ADAMTSL1: variants seen among roughly 807,000 people sequenced by gnomAD.
The protein encoded by ADAMTSL1 is ADAMTS-like protein 1.
Under a neutral mutation model 201.8 loss-of-function variants are expected in ADAMTSL1, and 126 were observed. The ratio of observed to expected loss-of-function variants is 0.62; its 90% CI spans 0.54 to 0.72. The LOEUF is 0.72. Ranked by LOEUF, ADAMTSL1 falls within the 30% of genes least tolerant of loss-of-function variation. The pLI is 0.00. For synonymous variants in ADAMTSL1, 1,121 were observed against 903.4 expected, an observed-to-expected ratio of 1.24 and a Z score of -4.32; for missense variants, 2,679 against 2,277.8, an observed-to-expected ratio of 1.18 and a Z score of -3.59.
intron 2 of ADAMTSL1, among the ~76,000 whole-genome samples, chr9:18,300,461 G>C (rs1833662396): frequency 6.6e-6 from 1 of 151,780 alleles, no homozygotes; most frequent in Non-Finnish European, 1.5e-5. Context: ...GGGCCTGTCA[G>C]GGGGAGGGGG....
rs777678547 is a variant in ADAMTSL1, at chr9:18,829,833, C to T, written c.4115-10C>T. 25 of 1,613,812 alleles carry T rather than the reference C, an allele frequency of 1.5e-5. No homozygotes were observed. Among genetic ancestry groups the T allele is most frequent in the Non-Finnish European group, 1.2e-5 (14 of 1,179,826 alleles). On this transcript the variant is annotated splice_polypyrimidine_tract_variant and intron_variant, in intron 22 of 28. Transcript: ENST00000380548. ...TTAACCTGCCTGATCCACCCTCTGC[C>T]TTCTCACAGATCCCCCCCAAGTCCC...
At chr9:18,494,698 C>G (rs1426541609) in intron 1 of ADAMTSL1, among the ~76,000 whole-genome samples, 1 of 152,106 alleles carries the variant, frequency 6.6e-6, no homozygotes, top group Non-Finnish European at 1.5e-5. Flanking sequence ...TAGACTTTAC[C>G]CTATATCCAA....
intron 2 of ADAMTSL1, among the ~76,000 whole-genome samples, chr9:18,420,307 G>C (rs1243752024): frequency 6.6e-6 from 1 of 152,180 alleles, no homozygotes; most frequent in African/African-American, 2.4e-5. Flanking sequence ...ATAAGGGCTT[G>C]AACTAGAATG....
At chr9:18,101,812 G>T (rs963870641) in intron 1 of ADAMTSL1, among the ~76,000 whole-genome samples, 3 of 152,146 alleles carry the variant, frequency 2.0e-5, no homozygotes, top group Non-Finnish European at 4.4e-5. Context: ...GCTGGCCCTC[G>T]GCTCTAGTGT....
chr9:17,971,161 A>G (rs1194875906), intron 1 of ADAMTSL1, among the ~76,000 whole-genome samples: 4 of 152,072 alleles, frequency 2.6e-5, no homozygotes, highest in Non-Finnish European at 5.9e-5. Flanking sequence ...AATAAAATAT[A>G]CTATTATAAC....
intron 10 of ADAMTSL1, among the ~76,000 whole-genome samples, chr9:18,680,056 CTT>C (rs1196560264): frequency 1.3e-5 from 2 of 152,314 alleles, no homozygotes; most frequent in African/African-American, 2.4e-5. Context: ...GCACACATAT[CTT>C]TGTGGACAGC....
At chr9:18,119,606 G>T (rs986808862) in intron 1 of ADAMTSL1, among the ~76,000 whole-genome samples, 1 of 152,100 alleles carries the variant, frequency 6.6e-6, no homozygotes, top group Non-Finnish European at 1.5e-5. Flanking sequence ...ATATGAGGTT[G>T]CTTTCCTTCT....
In ADAMTSL1 at chr9:18,895,834, A is replaced by C. The variant is rs146164690; in HGVS notation, c.4851+3238A>C. Among the ~76,000 whole-genome samples, 310 of 152,382 alleles carry C rather than the reference A, an allele frequency of 2.0e-3. 4 individuals carry two copies. Among genetic ancestry groups the C allele is most frequent in the African/African-American group, 6.4e-3 (266 of 41,596 alleles). On this transcript the variant is annotated intron_variant, in intron 26 of 28. Transcript: ENST00000380548. ...TTTCAGCAATAAAATCACAAGCCAT[A>C]CAAAGAAATGGGAAAATATGGCCCA...
At chr9:18,822,930 G>A (rs1462515898) in intron 21 of ADAMTSL1, among the ~76,000 whole-genome samples, 3 of 152,086 alleles carry the variant, frequency 2.0e-5, no homozygotes, top group Admixed American at 6.5e-5. Flanking sequence ...GGCTGGTGAC[G>A]TTTTTTAAAG....
At chr9:18,619,670 A>G (rs1228042657) in intron 4 of ADAMTSL1, among the ~76,000 whole-genome samples, 3 of 151,998 alleles carry the variant, frequency 2.0e-5, no homozygotes, top group Non-Finnish European at 2.9e-5. Context: ...AAATCTTTAG[A>G]CTTAGAGAGA....
intron 2 of ADAMTSL1, among the ~76,000 whole-genome samples, chr9:18,217,272 C>T (rs1830088590): frequency 6.6e-6 from 1 of 152,138 alleles, no homozygotes. Flanking sequence ...CATAACAACC[C>T]TGTGAAGTTT....
At chr9:18,252,482 A>G (rs1269688592) in intron 2 of ADAMTSL1, among the ~76,000 whole-genome samples, 1 of 152,180 alleles carries the variant, frequency 6.6e-6, no homozygotes, top group Non-Finnish European at 1.5e-5. Flanking sequence ...ATCTACACAT[A>G]TCCCCCTGTA....
intron 1 of ADAMTSL1, among the ~76,000 whole-genome samples, chr9:18,135,388 T>C (rs896545298): frequency 6.6e-6 from 1 of 152,132 alleles, no homozygotes; most frequent in East Asian, 1.9e-4. Context: ...AGGCTCAAAA[T>C]GTAAAATGCT....
intron 21 of ADAMTSL1, among the ~76,000 whole-genome samples, chr9:18,818,827 C>T (rs1201275808): frequency 6.6e-6 from 1 of 152,050 alleles, no homozygotes; most frequent in East Asian, 1.9e-4. Flanking sequence ...ATAAATATAT[C>T]TTTGTAAGTG....
intron 2 of ADAMTSL1, among the ~76,000 whole-genome samples, chr9:18,392,921 A>G (rs1324679183): frequency 6.6e-6 from 1 of 152,184 alleles, no homozygotes; most frequent in East Asian, 1.9e-4. Context: ...TGGCTATTTC[A>G]CATGCTACCT....
intron 1 of ADAMTSL1, among the ~76,000 whole-genome samples, chr9:17,941,138 G>A (rs1827223634): frequency 1.3e-5 from 2 of 151,976 alleles, no homozygotes; most frequent in South Asian, 4.1e-4. Flanking sequence ...GGCTAAGCAT[G>A]TTTTTGTCTG....
chr9:18,330,938 C>A (rs1382461348), intron 2 of ADAMTSL1, among the ~76,000 whole-genome samples: 2 of 152,134 alleles, frequency 1.3e-5, no homozygotes, highest in African/African-American at 4.8e-5. Context: ...GGATCTTGCT[C>A]AAAGAAGCTT....
chr9:17,942,556 A>G (rs1827283351), intron 1 of ADAMTSL1, among the ~76,000 whole-genome samples: 1 of 152,144 alleles, frequency 6.6e-6, no homozygotes, highest in Non-Finnish European at 1.5e-5. Flanking sequence ...GATGATGCTC[A>G]CCTAGAAGCC....
At chr9:18,700,832 G>T (rs1831881058) in intron 13 of ADAMTSL1, among the ~76,000 whole-genome samples, 1 of 151,810 alleles carries the variant, frequency 6.6e-6, no homozygotes, top group Non-Finnish European at 1.5e-5. Flanking sequence ...TTTTTAAAAG[G>T]GAAAATCCAT....
Sources: gnomAD v4.1 joint callset for allele counts (sites outside exome capture counted in the v4.1 genomes callset) on GRCh38, gnomAD v4.1.1 for gene constraint, MANE v1.5 for transcripts, NCBI Gene and HGNC (gene_info 2026-07-23, HGNC 2026-07-21) for gene names.